The following AP3B2 variants were observed in gnomAD, a reference collection of about 807,000 sequenced individuals.
AP3B2 encodes AP-3 complex subunit beta-2.
Under a neutral mutation model 126.9 loss-of-function variants are expected in AP3B2, and 50 were observed. The ratio of observed to expected loss-of-function variants is 0.39; its 90% confidence interval spans 0.31 to 0.50. The LOEUF (loss-of-function observed/expected upper bound fraction) is 0.50. Among genes scored for constraint, AP3B2 ranks in the 20% least tolerant of loss-of-function variants. The probability of loss-of-function intolerance (pLI) is 0.79; values close to 1 mark genes in which losing one functional copy is unlikely to be tolerated. For synonymous variants in AP3B2, 541 were observed against 565.0 expected (o/e 0.96, Z 0.60); for missense variants, 1,177 against 1,426.4 (o/e 0.83, Z 2.82).
rs2048269462 is a variant in AP3B2, at chr15:82,677,874, C to A, written c.1246-71G>T. Reference sequence around the variant, plus strand: ...AGGGTGACCTTCAAGAAGGCTGTGGCCTTTCATTTTATGGCTTATCATGCC... The same window carrying A: ...AGGGTGACCTTCAAGAAGGCTGTGGACTTTCATTTTATGGCTTATCATGCC... On this transcript the variant is annotated intron_variant, in intron 11 of 26. Transcript: ENST00000535359. 4.6e-6 allele frequency: 7 copies of A among 1,508,256 alleles called. No homozygotes were observed. In the African/African-American group the frequency reaches 6.9e-5, roughly 15 times the overall value. The allele number at this position is 1,508,256 out of a possible 1,614,324, so 93.4% of individuals were successfully genotyped here. A position where few individuals can be genotyped will look rare whatever the true frequency, so the allele number is the denominator to read the frequency against.
chr15:82,669,223 A>G (rs1287262072), intron 14 of AP3B2, among the ~76,000 whole-genome samples: 1 of 152,236 alleles, frequency 6.6e-6, no homozygotes, highest in African/African-American at 2.4e-5. Flanking sequence ...TGGAAGTTCT[A>G]TCTAGAGCAA....
chr15:82,690,138 G>C (rs2048501400), intron 1 of AP3B2, among the ~76,000 whole-genome samples: 1 of 152,124 alleles, frequency 6.6e-6, no homozygotes, highest in Non-Finnish European at 1.5e-5. Flanking sequence ...TTCAGAGGGA[G>C]CATGGTCCTG....
chr15:82,682,790 T>A (rs960658304), intron 4 of AP3B2, among the ~76,000 whole-genome samples: 2 of 151,962 alleles, frequency 1.3e-5, no homozygotes, highest in Non-Finnish European at 2.9e-5. Context: ...ATTATGTCTT[T>A]AAAAAAACAA....
Position 82,670,117 on chromosome 15 carries a change from G to GA in AP3B2, c.1666-3185_1666-3184insT, listed in dbSNP as rs1567260017. The stretch of plus-strand genomic sequence containing the variant: ...ATCAGTGGCTTTTTTTTTTTTGGCG[G>GA]GGGGGGACGAAGATGAAGTCTCGCT... On this transcript the variant is annotated intron_variant, in intron 14 of 26. Coordinates refer to ENST00000535359, the MANE Select transcript of AP3B2 (RefSeq NM_001278512.2). 1.1e-4 allele frequency among the ~76,000 whole-genome samples: 15 copies of GA among 136,192 alleles called. 1 individual carries two copies. Among genetic ancestry groups the GA allele is most frequent in the Non-Finnish European group, 1.9e-4 (12 of 62,756 alleles). 89.3% of individuals were successfully genotyped at this position (136,192 alleles called of 152,430 possible).
At chr15:82,661,763 G>C (rs2047953691) in intron 25 of AP3B2, 62 bp downstream of exon 25, 1 of 1,404,894 alleles carries the variant, frequency 7.1e-7, no homozygotes, top group Admixed American at 1.9e-5. Context: ...TACCATCCAA[G>C]CTGGACATTC....
At position 82,664,865 on chromosome 15, in the gene AP3B2, C is replaced by T; in HGVS notation, c.2107G>A (p.Glu703Lys). 6.2e-7 allele frequency: 1 copy of T among 1,601,532 alleles called. No homozygotes were observed. The highest frequency in any genetic ancestry group is 8.5e-7 in the Non-Finnish European group (1 of 1,174,060). Reference protein sequence around the residue: ...EKPFYSDSEGESGPTESADSD... With the variant: ...EKPFYSDSEGKSGPTESADSD... ...TCTGCGGACTCCGTGGGGCCTGACTCCCCCTCAGAGTCCGAGTAGAAGGGT... is the reference window on the plus strand; with the variant it reads ...TCTGCGGACTCCGTGGGGCCTGACTTCCCCTCAGAGTCCGAGTAGAAGGGT... Residue 703 changes from glutamate to lysine, a missense_variant, in exon 18 of 27, where the codon GAG becomes AAG. Around this residue, in one of 5 missense-constraint regions of AP3B2, gnomAD observed 587 missense variants for 571.3 expected, o/e 1.03. Transcript: ENST00000535359. The surrounding 1 kb of genome is among the most constrained non-coding windows in gnomAD (Gnocchi z 4.5).
At chr15:82,693,165 C>T (rs59078006) in intron 1 of AP3B2, among the ~76,000 whole-genome samples, 3 of 151,474 alleles carry the variant, frequency 2.0e-5, no homozygotes, top group African/African-American at 4.9e-5. Context: ...TGATAAATTA[C>T]GAACCAATAA....
chr15:82,694,406 C>T (rs2048601489), intron 1 of AP3B2, among the ~76,000 whole-genome samples: 1 of 152,040 alleles, frequency 6.6e-6, no homozygotes, highest in Non-Finnish European at 1.5e-5. Context: ...GAACCACAGG[C>T]CAGGCATGGT....
At chr15:82,674,050 T>C (rs1440232682) in intron 14 of AP3B2, among the ~76,000 whole-genome samples, 2 of 152,110 alleles carry the variant, frequency 1.3e-5, no homozygotes, top group African/African-American at 2.4e-5. Flanking sequence ...TGGCCTCTGG[T>C]CTAGTATCTG....
chr15:82,690,788 G>A (rs1235452248), intron 1 of AP3B2, among the ~76,000 whole-genome samples: 2 of 151,452 alleles, frequency 1.3e-5, no homozygotes, highest in African/African-American at 4.9e-5. Context: ...CGAGTAGCTG[G>A]GACTACAGGT....
Position 82,663,910 on chromosome 15 carries a change from G to A in AP3B2, c.2327C>T (p.Ala776Val), listed in dbSNP as rs375481337. Residue 776 changes from alanine (A) to valine (V), a missense_variant, in exon 20 of 27, where the codon GCG becomes GTG. Ala to Val is a moderately conservative substitution (Grantham distance 64). Transcript: ENST00000535359. ...KKKVPERKGE[A>V]SSSDEGSDSS... ...ATCGCTGCCCTCATCAGAGGATGAC[G>A]CTTCTCCTTTTCTCTCTGGCACCTT... The A allele has an allele frequency of 4.0e-5, 65 of 1,612,682 alleles. No homozygotes were observed. The African/African-American group carries it at 4.5e-4, about 11-fold the overall frequency.
At chr15:82,678,286 C>T in intron 10 of AP3B2, 119 bp from the exon 11 acceptor site, 2 of 973,674 alleles carry the variant, frequency 2.1e-6, no homozygotes, top group African/African-American at 1.6e-5. Flanking sequence ...CTGCATCATC[C>T]TCACACTGAT....
At chr15:82,709,265 C>T (rs180722553) in intron 1 of AP3B2, among the ~76,000 whole-genome samples, 49 of 152,100 alleles carry the variant, frequency 3.2e-4, no homozygotes, top group African/African-American at 1.2e-3. Context: ...CCGCCTAGCA[C>T]GAAAAAGGAA....
At chr15:82,689,042 G>A (rs960907139) in intron 3 of AP3B2, 116 bp downstream of exon 3, 2 of 1,228,408 alleles carry the variant, frequency 1.6e-6, no homozygotes, top group African/African-American at 3.0e-5. Flanking sequence ...CTGGCTCAGA[G>A]ACATTTCTCA....
Position 82,709,581 on chromosome 15 carries a change from C to T in AP3B2, c.113+13G>A, listed in dbSNP as rs753014194. On this transcript the variant is annotated intron_variant, in intron 1 of 26. Transcript: ENST00000535359. ...CCCAACCCTCCCGCGAGCTTCCTGGCGGGCTCCCTCACCGCTTGTAGTCGG... is the reference window on the plus strand; with the variant it reads ...CCCAACCCTCCCGCGAGCTTCCTGGTGGGCTCCCTCACCGCTTGTAGTCGG... 37 of 1,485,764 alleles carry T rather than the reference C, an allele frequency of 2.5e-5. No individual in the cohort carries two copies. The highest frequency in any genetic ancestry group is 3.2e-5 in the Non-Finnish European group (36 of 1,116,176). The allele number at this position is 1,485,764 out of a possible 1,614,324, so 92.0% of individuals were successfully genotyped here.
intron 1 of AP3B2, chr15:82,691,759 A>G: frequency 6.3e-7 from 1 of 1,578,072 alleles, no homozygotes; most frequent in Non-Finnish European, 8.7e-7. Context: ...GGTGTGGGGA[A>G]CCCCGGCTTT....
At position 82,664,536 on chromosome 15, in the gene AP3B2, CT is replaced by C. The variant is rs2048017691; in HGVS notation, c.2138-47del. The C allele has an allele frequency of 6.3e-7, 1 of 1,581,054 alleles. No individual in the cohort carries two copies. On this transcript the variant is annotated intron_variant, in intron 18 of 26. Coordinates refer to ENST00000535359, the MANE Select transcript of AP3B2 (RefSeq NM_001278512.2). This position sits in a 1 kb window ranked among gnomAD's most constrained non-coding sequence, Gnocchi z 4.5. Reference sequence around the variant, plus strand: ...GCCTCCTCCCTCATATGCAGGCCTCCTTGGGTCTGGAGCAGACACCTGGGTT... The same window carrying C: ...GCCTCCTCCCTCATATGCAGGCCTCCTGGGTCTGGAGCAGACACCTGGGTT...
intron 4 of AP3B2, among the ~76,000 whole-genome samples, chr15:82,682,249 C>T (rs1282078504): frequency 1.3e-5 from 2 of 151,940 alleles, no homozygotes; most frequent in South Asian, 2.1e-4. Flanking sequence ...GATTAGGTTT[C>T]GCCGTGTTGG....
intron 4 of AP3B2, among the ~76,000 whole-genome samples, chr15:82,683,042 CAGG>C (rs1164409360): frequency 7.5e-5 from 9 of 119,604 alleles, no homozygotes; most frequent in Admixed American, 1.7e-4. Context: ...GCATCTGCAC[CAGG>C]AGTTTTTTTT....
Sources: allele counts gnomAD v4.1 joint callset (sites outside exome capture counted in the v4.1 genomes callset), GRCh38; gene constraint gnomAD v4.1.1; regional missense constraint gnomAD v4.1.1; non-coding constraint Gnocchi (gnomAD v3.1); transcripts MANE v1.5; gene names NCBI Gene and HGNC (gene_info 2026-07-23, HGNC 2026-07-21).